The following TRHR variants were observed in gnomAD, a reference collection of about 807,000 sequenced individuals.
TRHR encodes thyrotropin-releasing hormone receptor.
In TRHR, 14 loss-of-function variants were observed where a neutral mutation model predicts 28.0. The ratio of observed to expected loss-of-function variants is 0.50; its 90% CI spans 0.33 to 0.78. The LOEUF is 0.78. Ranked by LOEUF, TRHR falls within the 30% of genes least tolerant of loss-of-function variation. TRHR has a pLI of 0.02. For synonymous variants in TRHR, 176 were observed against 171.9 expected (o/e 1.02, Z -0.18); for missense variants, 438 against 469.5 (o/e 0.93, Z 0.62).
At chr8:109,095,961 C>T (rs894893776) in intron 2 of TRHR, among the ~76,000 whole-genome samples, 1 of 152,086 alleles carries the variant, frequency 6.6e-6, no homozygotes, top group Non-Finnish European at 1.5e-5. Context: ...TTTCACTGCA[C>T]ACCTTACCAG....
chr8:109,100,809 T>C (rs1336928701), intron 2 of TRHR, among the ~76,000 whole-genome samples: 4 of 152,174 alleles, frequency 2.6e-5, no homozygotes, highest in Admixed American at 2.6e-4. Flanking sequence ...AGGAGCACTC[T>C]TAAGCTGAGC....
intron 2 of TRHR, among the ~76,000 whole-genome samples, chr8:109,094,891 C>T (rs1051137075): frequency 3.9e-5 from 6 of 151,904 alleles, no homozygotes; most frequent in Non-Finnish European, 8.8e-5. Flanking sequence ...AGATGACAAA[C>T]TACTTTATAC....
At chr8:109,103,624 G>A (rs1188292344) in intron 2 of TRHR, among the ~76,000 whole-genome samples, 3 of 152,090 alleles carry the variant, frequency 2.0e-5, no homozygotes, top group Non-Finnish European at 4.4e-5. Context: ...AGAATGTTTG[G>A]TTGTTCCTTA....
intron 2 of TRHR, among the ~76,000 whole-genome samples, chr8:109,109,462 C>T (rs900123336): frequency 1.3e-5 from 2 of 151,640 alleles, no homozygotes; most frequent in African/African-American, 2.4e-5. Flanking sequence ...AAAGTAGGGC[C>T]GTTATGAAGA....
intron 2 of TRHR, among the ~76,000 whole-genome samples, chr8:109,094,395 G>A (rs1811558779): frequency 6.6e-6 from 1 of 151,994 alleles, no homozygotes; most frequent in African/African-American, 2.4e-5. Context: ...GGGACTACAG[G>A]TGCACACTGC....
chr8:109,113,907 A>G (rs1811876337), intron 2 of TRHR, among the ~76,000 whole-genome samples: 1 of 152,122 alleles, frequency 6.6e-6, no homozygotes, highest in Non-Finnish European at 1.5e-5. Flanking sequence ...CATGCAGCAC[A>G]TATACGCAGG....
chr8:109,104,470 G>A (rs933840683), intron 2 of TRHR, among the ~76,000 whole-genome samples: 20 of 152,050 alleles, frequency 1.3e-4, no homozygotes, highest in African/African-American at 4.3e-4. Context: ...CCTTTGGAAC[G>A]AGTAGTGATT....
At chr8:109,113,401 C>T (rs1053225631) in intron 2 of TRHR, among the ~76,000 whole-genome samples, 1 of 152,038 alleles carries the variant, frequency 6.6e-6, no homozygotes, top group East Asian at 1.9e-4. Context: ...ACTTAAAGTG[C>T]ATTCTATACA....
chr8:109,099,145 T>C (rs550131797), intron 2 of TRHR, among the ~76,000 whole-genome samples: 2 of 136,560 alleles, frequency 1.5e-5, no homozygotes, highest in South Asian at 2.3e-4. Context: ...AAGGGAGAGA[T>C]TACAGAGAGA....
At chr8:109,088,695 A>G (rs1161653868) in intron 2 of TRHR, among the ~76,000 whole-genome samples, 2 of 152,226 alleles carry the variant, frequency 1.3e-5, no homozygotes, top group African/African-American at 4.8e-5. Flanking sequence ...CTATTGCACA[A>G]CAAATATTTG....
intron 2 of TRHR, among the ~76,000 whole-genome samples, chr8:109,088,755 T>C (rs1038890686): frequency 2.6e-5 from 4 of 152,246 alleles, no homozygotes; most frequent in Non-Finnish European, 5.9e-5. Context: ...AAACTTTCTT[T>C]GCCATTCTAT....
intron 2 of TRHR, among the ~76,000 whole-genome samples, chr8:109,116,624 T>C (rs1306108855): frequency 1.3e-5 from 2 of 152,138 alleles, no homozygotes; most frequent in African/African-American, 4.8e-5. Flanking sequence ...TGGTAGTTTG[T>C]ATTTCTGTGG....
chr8:109,087,512 G>T lies in TRHR; in HGVS notation c.-1G>T. 6.2e-7 allele frequency: 1 copy of T among 1,614,170 alleles called. No individual in the cohort carries two copies. Among genetic ancestry groups the T allele is most frequent in the Non-Finnish European group, 8.5e-7 (1 of 1,180,026 alleles). ...TTCCGAGAAACTTTAAGCTTCTAAA[G>T]ATGGAAAACGAGACAGTCAGTGAAC... is the stretch of plus-strand genomic sequence containing the variant. On this transcript the variant is annotated 5_prime_UTR_variant, in exon 2 of 3. Transcript: ENST00000518632.
intron 2 of TRHR, among the ~76,000 whole-genome samples, chr8:109,099,066 A>T (rs1177587229): frequency 6.6e-6 from 1 of 152,210 alleles, no homozygotes; most frequent in East Asian, 1.9e-4. Flanking sequence ...AGAACATGGA[A>T]GAATCAAATA....
chr8:109,108,438 C>A (rs564901384), intron 2 of TRHR, among the ~76,000 whole-genome samples: 1 of 152,264 alleles, frequency 6.6e-6, no homozygotes, highest in South Asian at 2.1e-4. Flanking sequence ...AATATCTCCC[C>A]TGGGAAAGAT....
At chr8:109,092,359 A>T (rs3134109) in intron 2 of TRHR, among the ~76,000 whole-genome samples, 23,394 of 151,572 alleles carry the variant, frequency 0.15, 2,368 homozygotes, top group Admixed American at 0.31. Flanking sequence ...AAACATCTAG[A>T]AGGAATATTG....
chr8:109,105,736 T>C (rs1025815672), intron 2 of TRHR, among the ~76,000 whole-genome samples: 4 of 152,172 alleles, frequency 2.6e-5, no homozygotes, highest in African/African-American at 9.6e-5. Flanking sequence ...GTTGTTGTAT[T>C]GAATCCATAT....
At chr8:109,117,979 T>C (rs1157085962) in intron 2 of TRHR, among the ~76,000 whole-genome samples, 1 of 151,986 alleles carries the variant, frequency 6.6e-6, no homozygotes, top group African/African-American at 2.4e-5. Context: ...GTGAGCAATC[T>C]GGGATATTGA....
chr8:109,097,620 C>G (rs1476363801), intron 2 of TRHR, among the ~76,000 whole-genome samples: 1 of 152,108 alleles, frequency 6.6e-6, no homozygotes, highest in Non-Finnish European at 1.5e-5. Flanking sequence ...GAGCAAGCCC[C>G]CAGTGGGATA....
Sources: allele counts gnomAD v4.1 joint callset (sites outside exome capture counted in the v4.1 genomes callset), GRCh38; gene constraint gnomAD v4.1.1; transcripts MANE v1.5; gene names NCBI Gene and HGNC (gene_info 2026-07-23, HGNC 2026-07-21).